Variants in BCAS3 observed in about 807,000 individuals in gnomAD.
BCAS3 encodes the protein BCAS3 microtubule associated cell migration factor, also known as BCAS4/BCAS3 fusion.
BCAS3 carries 53 observed loss-of-function variants against 116.1 expected under a neutral mutation model. The observed-to-expected ratio is 0.46, with a 90% confidence interval of 0.37 to 0.57. The LOEUF is 0.57. Among genes scored for constraint, BCAS3 ranks in the 20% least tolerant of loss-of-function variants. The pLI is 0.00. For synonymous variants in BCAS3, 391 were observed against 408.2 expected, an observed-to-expected ratio of 0.96 and a Z score of 0.51; for missense variants, 917 against 1,165.4, an observed-to-expected ratio of 0.79 and a Z score of 3.10.
Position 61,028,150 on chromosome 17 carries a change from T to C in BCAS3, c.1638-6516T>C, listed in dbSNP as rs8079719. Among the ~76,000 whole-genome samples, 10,636 of 151,886 alleles carry C rather than the reference T, an allele frequency of 0.07. 1,126 individuals are homozygous for C. Among genetic ancestry groups the C allele is most frequent in the African/African-American group, 0.23 (9,505 of 41,466 alleles). On this transcript the variant is annotated intron_variant, in intron 16 of 23. Coordinates refer to ENST00000407086, the MANE Select transcript of BCAS3 (RefSeq NM_017679.5). This position sits in a 1 kb window ranked among gnomAD's most constrained non-coding sequence, Gnocchi z 4.3. Reference sequence around the variant, plus strand: ...CTTGGACAGAAAGAAGCTTAAATAGTTCTTTAAGGTTAATTATTATTTGAC... The same window carrying C: ...CTTGGACAGAAAGAAGCTTAAATAGCTCTTTAAGGTTAATTATTATTTGAC...
chr17:61,236,589 G>A (rs1175652571), intron 22 of BCAS3, among the ~76,000 whole-genome samples: 2 of 152,140 alleles, frequency 1.3e-5, no homozygotes, highest in African/African-American at 2.4e-5. Context: ...CAAAGTGCTG[G>A]GATTACAGGC....
At chr17:60,884,594 T>C (rs1165391785) in intron 9 of BCAS3, among the ~76,000 whole-genome samples, 6 of 144,426 alleles carry the variant, frequency 4.2e-5, no homozygotes, top group Non-Finnish European at 7.5e-5. Context: ...GCTATAAATT[T>C]CCCTCTACAC....
chr17:61,006,132 A>C (rs186175411), intron 15 of BCAS3, among the ~76,000 whole-genome samples: 1 of 151,966 alleles, frequency 6.6e-6, no homozygotes, highest in Non-Finnish European at 1.5e-5. Flanking sequence ...TGAACTCATC[A>C]TTTTTCATGG....
chr17:61,255,145 G>A (rs1340491584), intron 22 of BCAS3, among the ~76,000 whole-genome samples: 1 of 152,150 alleles, frequency 6.6e-6, no homozygotes, highest in Non-Finnish European at 1.5e-5. Flanking sequence ...AGTTTCACAT[G>A]TTGCTCTTTT....
In BCAS3 at chr17:61,034,444, G is replaced by T. The variant is rs908730354; in HGVS notation, c.1638-222G>T. ...TTCAAAAAGGAGTTGATTTTTATTG[G>T]TCTTATAAATGTTGCTCTCTTTACA... is the stretch of plus-strand genomic sequence containing the variant. On this transcript the variant is annotated intron_variant, in intron 16 of 23. Transcript: ENST00000407086. This position sits in a 1 kb window ranked among gnomAD's most constrained non-coding sequence, Gnocchi z 5.0. Among the ~76,000 whole-genome samples, 1 of 152,068 alleles carries T rather than the reference G, an allele frequency of 6.6e-6. No homozygotes were observed. Among genetic ancestry groups the T allele is most frequent in the Non-Finnish European group, 1.5e-5 (1 of 68,012 alleles).
intron 6 of BCAS3, among the ~76,000 whole-genome samples, chr17:60,800,408 T>C (rs975951127): frequency 1.3e-5 from 2 of 152,206 alleles, no homozygotes; most frequent in Non-Finnish European, 2.9e-5. Context: ...CAGTGAAGTA[T>C]CTCTTAATGT....
intron 19 of BCAS3, among the ~76,000 whole-genome samples, chr17:61,066,238 AATTT>A (rs1372168688): frequency 6.6e-6 from 1 of 152,206 alleles, no homozygotes; most frequent in Non-Finnish European, 1.5e-5. Context: ...CAGCTAAGAG[AATTT>A]ATTACTGGAA....
intron 22 of BCAS3, among the ~76,000 whole-genome samples, chr17:61,289,580 C>G (rs1188511057): frequency 1.3e-5 from 2 of 152,142 alleles, no homozygotes; most frequent in Non-Finnish European, 2.9e-5. Context: ...TGGCCCTCCC[C>G]AAGTACAGAG....
rs199608491 is a variant in BCAS3 at position 61,181,886 on chromosome 17, A to G, written c.2425+97322A>G. On this transcript the variant is annotated intron_variant, in intron 22 of 23. Transcript: ENST00000407086. This position sits in a 1 kb window ranked among gnomAD's most constrained non-coding sequence, Gnocchi z 5.0. ...TTGCTTTTTCCTTCTTTTTTTTTTT[A>G]ATCTTGAGACACGGTCTCACTCCGC... 9.0e-6 allele frequency among the ~76,000 whole-genome samples: 1 copy of G among 111,346 alleles called. No homozygotes were observed. 73.0% of individuals were successfully genotyped at this position (111,346 alleles called of 152,430 possible). A position where few individuals can be genotyped will look rare whatever the true frequency, so the allele number is the denominator to read the frequency against.
At chr17:60,847,652 A>G (rs1262595269) in intron 7 of BCAS3, among the ~76,000 whole-genome samples, 1 of 152,134 alleles carries the variant, frequency 6.6e-6, no homozygotes, top group Non-Finnish European at 1.5e-5. Context: ...AAAAATGTCT[A>G]TTCAATTCCT....
intron 19 of BCAS3, chr17:61,069,991 C>T (rs1470004374): frequency 2.8e-5 from 44 of 1,588,616 alleles, no homozygotes; most frequent in Admixed American, 6.7e-5. Flanking sequence ...GAAGAAGATC[C>T]GCACGTCACC....
intron 22 of BCAS3, among the ~76,000 whole-genome samples, chr17:61,107,099 T>TC (rs1664873687): frequency 6.8e-6 from 1 of 147,270 alleles, no homozygotes; most frequent in African/African-American, 2.5e-5. Context: ...TTTTTTTTTT[T>TC]TTTTTGAGAC....
intron 22 of BCAS3, among the ~76,000 whole-genome samples, chr17:61,247,160 A>G (rs534449143): frequency 1.3e-5 from 2 of 152,302 alleles, no homozygotes; most frequent in East Asian, 3.9e-4. Context: ...TTCCTACTCA[A>G]TGTAAAGTTA....
intron 19 of BCAS3, among the ~76,000 whole-genome samples, chr17:61,067,292 T>TATATATAC (rs2070761654): frequency 7.9e-6 from 1 of 126,248 alleles, no homozygotes. Context: ...TATATATATA[T>TATATATAC]ATATATATAT....
chr17:61,018,185 G>T (rs2065599042), intron 16 of BCAS3, among the ~76,000 whole-genome samples: 1 of 150,348 alleles, frequency 6.7e-6, no homozygotes, highest in South Asian at 2.1e-4. Flanking sequence ...ATTGATACTT[G>T]TCCCACAATG....
Position 61,224,765 on chromosome 17 carries a change from G to T in BCAS3, c.2425+140201G>T, listed in dbSNP as rs1390982174. On this transcript the variant is annotated intron_variant, in intron 22 of 23. Transcript: ENST00000407086. This position sits in a 1 kb window ranked among gnomAD's most constrained non-coding sequence, Gnocchi z 5.7. ...GTTTCATTTAATGCAGTAAATCTAA[G>T]ATATCATTATTTCAAGATTTAATCA... Among the ~76,000 whole-genome samples the T allele has an allele frequency of 6.6e-6, 1 of 152,128 alleles. No individual in the cohort carries two copies.
rs1308201930 is a variant in BCAS3 at position 60,995,897 on chromosome 17, C to T, written c.1486+5662C>T. On this transcript the variant is annotated intron_variant, in intron 15 of 23. Transcript: ENST00000407086. This position sits in a 1 kb window ranked among gnomAD's most constrained non-coding sequence, Gnocchi z 4.7. The stretch of plus-strand genomic sequence containing the variant: ...AATAGGGAATGCCTAGGGAGGATTG[C>T]AATTTGAAATTAGTATGCTTCCCAT... Among the ~76,000 whole-genome samples, 1 of 152,026 alleles carries T rather than the reference C, an allele frequency of 6.6e-6. No homozygotes were observed. Among genetic ancestry groups the T allele is most frequent in the Non-Finnish European group, 1.5e-5 (1 of 67,996 alleles).
At chr17:60,842,241 A>G (rs1336299778) in intron 7 of BCAS3, among the ~76,000 whole-genome samples, 1 of 152,216 alleles carries the variant, frequency 6.6e-6, no homozygotes, top group African/African-American at 2.4e-5. Flanking sequence ...CCACTGCTTT[A>G]ACCAGATCAT....
At position 61,122,769 on chromosome 17, in the gene BCAS3, G is replaced by T. The variant is rs1003750997; in HGVS notation, c.2425+38205G>T. On this transcript the variant is annotated intron_variant, in intron 22 of 23. Transcript: ENST00000407086. This position sits in a 1 kb window ranked among gnomAD's most constrained non-coding sequence, Gnocchi z 4.6. ...TCAGCAAAAATAAATTCAAGAATATGTATATATGATGTTCATATATTTAGC... is the reference window on the plus strand; with the variant it reads ...TCAGCAAAAATAAATTCAAGAATATTTATATATGATGTTCATATATTTAGC... Among the ~76,000 whole-genome samples the T allele has an allele frequency of 6.6e-6, 1 of 152,132 alleles. No individual in the cohort carries two copies. Among genetic ancestry groups the T allele is most frequent in the African/African-American group, 2.4e-5 (1 of 41,440 alleles).
Sources: gnomAD v4.1 joint callset for allele counts (sites outside exome capture counted in the v4.1 genomes callset) on GRCh38, gnomAD v4.1.1 for gene constraint, Gnocchi (gnomAD v3.1) non-coding constraint, MANE v1.5 for transcripts, NCBI Gene and HGNC (gene_info 2026-07-23, HGNC 2026-07-21) for gene names.